The following NXN variants were observed in gnomAD, a reference collection of about 807,000 sequenced individuals.
NXN encodes the protein nucleoredoxin 1.
NXN carries 16 observed loss-of-function variants against 48.6 expected under a neutral mutation model. That is an observed-to-expected ratio of 0.33 (90% CI 0.22 to 0.50). NXN has a LOEUF of 0.50. NXN is among the 20% of genes least tolerant of loss of function. The pLI, the probability that NXN is intolerant of heterozygous loss-of-function variation, is 0.98. For synonymous variants in NXN, 281 were observed against 269.6 expected (o/e 1.04, Z -0.41); for missense variants, 492 against 605.5 (o/e 0.81, Z 1.97).
At chr17:812,621 GGTGAGTGTAGGTGT>G (rs1912146109) in intron 5 of NXN, among the ~76,000 whole-genome samples, 1 of 149,034 alleles carries the variant, frequency 6.7e-6, no homozygotes, top group African/African-American at 2.6e-5. Context: ...TGTGAGTGTA[GGTGAGTGTAGGTGT>G]GTGTGAGTGT....
chr17:891,248 G>T (rs2068413909), intron 1 of NXN, among the ~76,000 whole-genome samples: 1 of 151,996 alleles, frequency 6.6e-6, no homozygotes. Flanking sequence ...CTAATTTTTT[G>T]TAGAAATGAG....
At chr17:974,164 A>C (rs1396710016) in intron 1 of NXN, among the ~76,000 whole-genome samples, 2 of 151,680 alleles carry the variant, frequency 1.3e-5, no homozygotes, top group Non-Finnish European at 2.9e-5. Context: ...CCTGGCTAAC[A>C]CAGTGAAACC....
intron 5 of NXN, among the ~76,000 whole-genome samples, chr17:812,821 C>CGAGTGTGCATGTGT (rs1912198330): frequency 7.8e-6 from 1 of 128,140 alleles, no homozygotes; most frequent in Non-Finnish European, 1.7e-5. Context: ...GGTGTGTGTG[C>CGAGTGTGCATGTGT]GAGTGTGCAT....
chr17:856,210 C>G (rs898403190), intron 1 of NXN, among the ~76,000 whole-genome samples: 1 of 151,920 alleles, frequency 6.6e-6, no homozygotes, highest in African/African-American at 2.4e-5. Context: ...AAAAGAGGGT[C>G]TGATCTCTCC....
intron 1 of NXN, among the ~76,000 whole-genome samples, chr17:975,633 A>G (rs1224710853): frequency 6.6e-6 from 1 of 152,152 alleles, no homozygotes; most frequent in Non-Finnish European, 1.5e-5. Flanking sequence ...GAGCCTCACA[A>G]AACTGTCCAG....
At chr17:928,585 C>T (rs1174379400) in intron 1 of NXN, among the ~76,000 whole-genome samples, 5 of 152,138 alleles carry the variant, frequency 3.3e-5, no homozygotes, top group Non-Finnish European at 4.4e-5. Flanking sequence ...CCTGTAATCC[C>T]AATACTTTGG....
chr17:875,195 C>T (rs1159832869), intron 1 of NXN, among the ~76,000 whole-genome samples: 1 of 151,856 alleles, frequency 6.6e-6, no homozygotes, highest in African/African-American at 2.4e-5. Context: ...CCATGCCTGG[C>T]TAACTTTTGT....
rs953422119 is a variant in NXN, at chr17:799,979, G to C, written c.*970C>G. ...AAAAATACAAAAATTAGCCAGGTAC[G>C]GTGGCGGGTGCCTGTAATCCCAGCT... On this transcript the variant is annotated 3_prime_UTR_variant, in exon 8 of 8. Transcript: ENST00000336868. The C allele has an allele frequency of 6.6e-6, 1 of 152,384 alleles. No homozygotes were observed. The highest frequency in any genetic ancestry group is 2.4e-5 in the African/African-American group (1 of 41,460). The allele number at this position is 152,384 out of a possible 1,614,324, so 9.4% of individuals were successfully genotyped here. A position where few individuals can be genotyped will look rare whatever the true frequency, so the allele number is the denominator to read the frequency against.
intron 1 of NXN, among the ~76,000 whole-genome samples, chr17:916,157 T>C (rs189584076): frequency 6.6e-6 from 1 of 152,320 alleles, no homozygotes; most frequent in Admixed American, 6.5e-5. Flanking sequence ...AGCAAAACTC[T>C]AGGCCCACTT....
At chr17:846,413 C>CAAAAAAAA (rs757262418) in intron 1 of NXN, among the ~76,000 whole-genome samples, 4 of 62,684 alleles carry the variant, frequency 6.4e-5, no homozygotes, top group African/African-American at 1.4e-4. Flanking sequence ...GAAATTGTCT[C>CAAAAAAAA]AAAAAAAAAA....
intron 1 of NXN, among the ~76,000 whole-genome samples, chr17:948,640 G>A (rs574075772): frequency 3.3e-5 from 5 of 151,982 alleles, no homozygotes; most frequent in Admixed American, 6.6e-5. Flanking sequence ...ACCATCACTC[G>A]GTGCTTCACG....
At chr17:967,834 T>C (rs931080952) in intron 1 of NXN, among the ~76,000 whole-genome samples, 1 of 152,224 alleles carries the variant, frequency 6.6e-6, no homozygotes, top group Middle Eastern at 3.4e-3. Context: ...TAGCCAGGCA[T>C]GGTGGCGGGC....
At chr17:835,144 T>C (rs1333221657) in intron 1 of NXN, among the ~76,000 whole-genome samples, 9 of 150,922 alleles carry the variant, frequency 6.0e-5, no homozygotes, top group Non-Finnish European at 1.3e-4. Flanking sequence ...CTGTCTCTAC[T>C]AAAAATACAA....
chr17:873,821 A>C (rs1267101226), intron 1 of NXN, among the ~76,000 whole-genome samples: 4 of 152,168 alleles, frequency 2.6e-5, no homozygotes, highest in Non-Finnish European at 5.9e-5. Flanking sequence ...AAAGAGGAGC[A>C]GTTCATTAAT....
intron 5 of NXN, among the ~76,000 whole-genome samples, chr17:817,571 A>C (rs890507110): frequency 1.3e-5 from 2 of 151,526 alleles, no homozygotes; most frequent in Non-Finnish European, 2.9e-5. Flanking sequence ...GGGGAGGCTG[A>C]GGCAGGAGAA....
At chr17:960,353 C>CT (rs1403669839) in intron 1 of NXN, among the ~76,000 whole-genome samples, 2 of 151,858 alleles carry the variant, frequency 1.3e-5, no homozygotes, top group South Asian at 2.1e-4. Context: ...ACCGCCAACC[C>CT]TTTTTTTTGT....
intron 1 of NXN, among the ~76,000 whole-genome samples, chr17:838,030 G>T (rs1444844488): frequency 6.6e-6 from 1 of 151,556 alleles, no homozygotes; most frequent in Admixed American, 6.6e-5. Context: ...TCTCTGCCAC[G>T]CCAGGCTGCA....
chr17:867,856 G>A (rs2068109202), intron 1 of NXN, among the ~76,000 whole-genome samples: 1 of 151,768 alleles, frequency 6.6e-6, no homozygotes, highest in African/African-American at 2.4e-5. Flanking sequence ...AACCCAGGAG[G>A]TGGAGGCTGC....
At chr17:805,313 C>T (rs1002820174) in intron 5 of NXN, 66 bp from the exon 6 acceptor site, 19 of 1,514,228 alleles carry the variant, frequency 1.3e-5, no homozygotes, top group Middle Eastern at 2.1e-4. Context: ...GCAGGAGGCT[C>T]GCGGGGTCCA....
Sources: allele counts gnomAD v4.1 joint callset (sites outside exome capture counted in the v4.1 genomes callset), GRCh38; gene constraint gnomAD v4.1.1; transcripts MANE v1.5; gene names NCBI Gene and HGNC (gene_info 2026-07-23, HGNC 2026-07-21).